PIGK: variants seen among roughly 807,000 people sequenced by gnomAD.
The protein encoded by PIGK is GPI-anchor transamidase.
In PIGK, 42 loss-of-function variants were observed where a neutral mutation model predicts 50.6. The observed-to-expected ratio is 0.83, with a 90% CI of 0.65 to 1.07. PIGK has a LOEUF of 1.07. PIGK is among the 50% of genes least tolerant of loss of function. The pLI is 0.00. For missense variants in PIGK, 448 were observed against 488.7 expected, an observed-to-expected ratio of 0.92 and a Z score of 0.78; for synonymous variants, 151 against 156.0, an observed-to-expected ratio of 0.97 and a Z score of 0.24.
rs112837780 is a variant in PIGK, at chr1:77,167,408, C to T, written c.376-578G>A. ...AGTTCTGAATTTAAAACTTTAAATG[C>T]TATGTGAAGTGCTGCCTTTAAAAAC... On this transcript the variant is annotated intron_variant, in intron 4 of 10. Coordinates refer to ENST00000370812, the MANE Select transcript of PIGK (RefSeq NM_005482.3). Among the ~76,000 whole-genome samples the T allele has an allele frequency of 3.7e-3, 566 of 152,218 alleles. 3 individuals carry two copies. The highest frequency in any genetic ancestry group is 0.013 in the African/African-American group (540 of 41,526).
chr1:77,184,291 A>C (rs911553352), intron 3 of PIGK, among the ~76,000 whole-genome samples: 7 of 152,068 alleles, frequency 4.6e-5, no homozygotes, highest in Non-Finnish European at 1.0e-4. Context: ...GGTCAAATGG[A>C]CAAAAGACTG....
At chr1:77,133,324 T>C (rs527521941) in intron 9 of PIGK, among the ~76,000 whole-genome samples, 10 of 152,296 alleles carry the variant, frequency 6.6e-5, no homozygotes, top group Admixed American at 2.0e-4. Flanking sequence ...TATTTTTCAA[T>C]ATTAGAATGT....
chr1:77,211,624 TC>T (rs1206975347), intron 1 of PIGK, among the ~76,000 whole-genome samples: 2 of 152,012 alleles, frequency 1.3e-5, no homozygotes, highest in Non-Finnish European at 2.9e-5. Flanking sequence ...AAATTATCAC[TC>T]TTTGAACTTC....
intron 9 of PIGK, among the ~76,000 whole-genome samples, chr1:77,133,634 C>A (rs755057504): frequency 3.2e-4 from 48 of 152,148 alleles, no homozygotes; most frequent in Admixed American, 8.5e-4. Flanking sequence ...CTCTGCTGGG[C>A]AGTTAAGAGT....
chr1:77,160,302 C>T (rs1655104876), intron 8 of PIGK, among the ~76,000 whole-genome samples: 2 of 152,084 alleles, frequency 1.3e-5, no homozygotes, highest in South Asian at 4.1e-4. Context: ...TTACCCAGGC[C>T]CAGGTATTTC....
Position 77,092,436 on chromosome 1 carries a change from C to T in PIGK, c.1126G>A (p.Ala376Thr), listed in dbSNP as rs768873141. Residue 376 changes from alanine (A) to threonine (T), a missense_variant, in exon 11 of 11, where the codon GCA (alanine) becomes ACA (threonine). By Grantham distance (58) the Ala-to-Thr change is moderately conservative. Coordinates refer to ENST00000370812, the MANE Select transcript of PIGK (RefSeq NM_005482.3). ...TTGAAGAAAACCATGATAATAAGTG[C>T]CCATAATCCCAGAATAAAGCCCCCA... is the stretch of plus-strand genomic sequence containing the variant. ...PPGGFILGLW[A>T]LIIMVFFKTY... 2 of 1,606,924 alleles carry T rather than the reference C, an allele frequency of 1.2e-6. No homozygotes were observed. The highest frequency in any genetic ancestry group is 1.1e-5 in the South Asian group (1 of 89,534).
intron 3 of PIGK, among the ~76,000 whole-genome samples, chr1:77,185,498 C>T (rs912585458): frequency 1.3e-5 from 2 of 152,186 alleles, no homozygotes; most frequent in African/African-American, 2.4e-5. Context: ...CAAAATATTT[C>T]GTCTAAGGTG....
Position 77,166,784 on chromosome 1 carries a change from G to A in PIGK, c.422C>T (p.Pro141Leu), listed in dbSNP as rs114260507. The change falls in exon 5 of 11, where the codon CCT (proline) becomes CTT (leucine). Residue 141 changes from proline (P) to leucine (L), a missense_variant. Pro to Leu is a moderately conservative substitution (Grantham distance 98, BLOSUM62 -3). Coordinates refer to ENST00000370812, the MANE Select transcript of PIGK (RefSeq NM_005482.3). ...FLRVLTGRIP[P>L]STPRSKRLLS... ...AAGACGTTTTGACCGAGGAGTACTAGGTGGGATCCTCCCAGTTAATACCCG... is the reference window on the plus strand; with the variant it reads ...AAGACGTTTTGACCGAGGAGTACTAAGTGGGATCCTCCCAGTTAATACCCG... The A allele has an allele frequency of 4.2e-5, 67 of 1,603,104 alleles. No homozygotes were observed. The African/African-American group carries it at 7.1e-4, about 17-fold the overall frequency.
At chr1:77,207,603 CTG>C (rs1359028565) in intron 2 of PIGK, among the ~76,000 whole-genome samples, 4 of 152,016 alleles carry the variant, frequency 2.6e-5, no homozygotes, top group African/African-American at 9.7e-5. Flanking sequence ...AAAAAAATTC[CTG>C]AGAATTATAT....
chr1:77,161,291 T>C lies in PIGK; in HGVS notation c.813+4A>G. 2 of 1,385,188 alleles carry C rather than the reference T, an allele frequency of 1.4e-6. No individual in the cohort carries two copies. The highest frequency in any genetic ancestry group is 2.1e-6 in the Non-Finnish European group (2 of 971,402). 85.8% of individuals were successfully genotyped at this position (1,385,188 alleles called of 1,614,324 possible). On this transcript the variant is annotated splice_donor_region_variant and intron_variant, in intron 8 of 10. Transcript: ENST00000370812. The stretch of plus-strand genomic sequence containing the variant: ...TGCTATAATCAAATCAAGTGAATAC[T>C]TACAAGGTCATTCATATTAGTTTGG...
At chr1:77,211,304 G>A (rs1047640218) in intron 1 of PIGK, among the ~76,000 whole-genome samples, 4 of 151,414 alleles carry the variant, frequency 2.6e-5, no homozygotes, top group East Asian at 3.9e-4. Flanking sequence ...CTTTACTCTC[G>A]GTGAACAAAT....
At position 77,154,488 on chromosome 1, in the gene PIGK, G is replaced by C; in HGVS notation, c.947C>G (p.Thr316Ser). ...SVRKVEITTE[T>S]IKLQQDSEIM... ...TTCTGAATCCTGTTGCAATTTAATA[G>C]TCTCTGTTGTAATTTCCACTTTCCG... is the stretch of plus-strand genomic sequence containing the variant. The change falls in exon 9 of 11, where the codon ACT (threonine) becomes AGT (serine). Residue 316 changes from threonine to serine, a missense_variant. By Grantham distance (58) the Thr-to-Ser change is moderately conservative. Coordinates refer to ENST00000370812, the MANE Select transcript of PIGK (RefSeq NM_005482.3). The C allele has an allele frequency of 6.2e-7, 1 of 1,611,372 alleles. No homozygotes were observed. The highest frequency in any genetic ancestry group is 8.5e-7 in the Non-Finnish European group (1 of 1,178,226).
chr1:77,136,370 A>C (rs952527323), intron 9 of PIGK, among the ~76,000 whole-genome samples: 1 of 151,666 alleles, frequency 6.6e-6, no homozygotes, highest in Admixed American at 6.6e-5. Flanking sequence ...TCTACTAAAA[A>C]TACAAAAAAT....
At chr1:77,112,012 A>G (rs1047211565) in intron 10 of PIGK, among the ~76,000 whole-genome samples, 3 of 152,054 alleles carry the variant, frequency 2.0e-5, no homozygotes, top group South Asian at 4.1e-4. Flanking sequence ...AGATTAAATA[A>G]AATAGTCTTT....
intron 10 of PIGK, among the ~76,000 whole-genome samples, chr1:77,100,215 A>C (rs568603412): frequency 6.6e-6 from 1 of 152,230 alleles, no homozygotes; most frequent in Non-Finnish European, 1.5e-5. Context: ...TGAGATTCTT[A>C]AATGTATAAT....
At chr1:77,165,248 C>A (rs2100558059) in intron 5 of PIGK, among the ~76,000 whole-genome samples, 1 of 152,150 alleles carries the variant, frequency 6.6e-6, no homozygotes, top group Non-Finnish European at 1.5e-5. Flanking sequence ...TAGTTTAGTA[C>A]ATCAAATAAA....
At chr1:77,169,497 C>A in intron 3 of PIGK, 102 bp from the exon 4 acceptor site, 1 of 875,776 alleles carries the variant, frequency 1.1e-6, no homozygotes, top group Non-Finnish European at 1.7e-6. Flanking sequence ...TTTTCTCCTC[C>A]TTAAAAAAAA....
chr1:77,093,677 T>A (rs994093986), intron 10 of PIGK, among the ~76,000 whole-genome samples: 9 of 152,150 alleles, frequency 5.9e-5, no homozygotes, highest in African/African-American at 2.2e-4. Context: ...TTCATTCCTA[T>A]GCTTACCCTC....
chr1:77,149,066 T>G (rs78204872), intron 9 of PIGK, among the ~76,000 whole-genome samples: 1,927 of 152,016 alleles, frequency 0.013, 40 homozygotes, highest in African/African-American at 0.044. Context: ...ATGAACCTAA[T>G]GGTAACCACA....
Sources: allele counts gnomAD v4.1 joint callset (sites outside exome capture counted in the v4.1 genomes callset), GRCh38; gene constraint gnomAD v4.1.1; transcripts MANE v1.5; gene names NCBI Gene and HGNC (gene_info 2026-07-23, HGNC 2026-07-21).